The following GPATCH2L variants were observed in gnomAD, a reference collection of about 807,000 sequenced individuals.
GPATCH2L encodes the protein G patch domain-containing protein 2-like.
GPATCH2L carries 31 observed loss-of-function variants against 57.4 expected under a neutral mutation model. That is an observed-to-expected ratio of 0.54 (90% confidence interval 0.41 to 0.73). The LOEUF (loss-of-function observed/expected upper bound fraction) is 0.73. GPATCH2L is among the 30% of genes least tolerant of loss of function. The pLI, the probability that GPATCH2L is intolerant of heterozygous loss-of-function variation, is 0.00. For synonymous variants in GPATCH2L, 199 were observed against 210.7 expected (o/e 0.94, Z 0.48); for missense variants, 481 against 599.9 (o/e 0.80, Z 2.07).
intron 2 of GPATCH2L, among the ~76,000 whole-genome samples, chr14:76,160,692 C>A (rs112611625): frequency 4.6e-5 from 7 of 152,080 alleles, no homozygotes; most frequent in African/African-American, 1.7e-4. Context: ...AAAGAAAAAT[C>A]TTAAAAGGGG....
downstream of GPATCH2L, among the ~76,000 whole-genome samples, chr14:76,217,556 A>G (rs1321862980): frequency 2.6e-5 from 4 of 151,798 alleles, no homozygotes; most frequent in Non-Finnish European, 5.9e-5. Context: ...AAATACTACT[A>G]AAAATTTAGA....
chr14:76,166,796 G>C (rs2038862080), intron 3 of GPATCH2L, 69 bp downstream of exon 3: 1 of 1,057,458 alleles, frequency 9.5e-7, no homozygotes, highest in Non-Finnish European at 1.5e-6. Context: ...TCATAGGAGT[G>C]ACTCATGGAG....
chr14:76,186,170 A>G (rs1347047234), intron 8 of GPATCH2L, among the ~76,000 whole-genome samples: 2 of 152,100 alleles, frequency 1.3e-5, no homozygotes, highest in African/African-American at 2.4e-5. Context: ...TCATTTGCTA[A>G]TTAGATGTAA....
chr14:76,193,115 C>T (rs929155233), intron 8 of GPATCH2L, among the ~76,000 whole-genome samples: 8 of 151,974 alleles, frequency 5.3e-5, no homozygotes, highest in African/African-American at 9.7e-5. Flanking sequence ...AACCTGTGTG[C>T]GTAATAATAG....
At position 76,154,644 on chromosome 14, in the gene GPATCH2L, C is replaced by T. The variant is rs768786255; in HGVS notation, c.281C>T (p.Ala94Val). ...AGTGACTCTGATGACACAATGGTAG[C>T]CAAACGACACCCAGCTCTCAATGCC... ...NFSDSDDTMV[A>V]KRHPALNAIV... Residue 94 changes from alanine to valine, a missense_variant, in exon 2 of 10, where the codon GCC (alanine) becomes GTC (valine). By Grantham distance (64) the Ala-to-Val change is moderately conservative. Around this residue, in one of 3 missense-constraint regions of GPATCH2L, gnomAD observed 208 missense variants for 272.4 expected, o/e 0.76. Transcript: ENST00000261530. This position sits in a 1 kb window ranked among gnomAD's most constrained non-coding sequence, Gnocchi z 4.4. The T allele has an allele frequency of 6.2e-7, 1 of 1,614,200 alleles. No homozygotes were observed. Among genetic ancestry groups the T allele is most frequent in the African/African-American group, 1.3e-5 (1 of 75,046 alleles).
At position 76,201,738 on chromosome 14, in the gene GPATCH2L, A is replaced by G. The variant is rs539648179; in HGVS notation, c.1336A>G (p.Lys446Glu). The G allele has an allele frequency of 4.3e-6, 7 of 1,613,748 alleles. No individual in the cohort carries two copies. The African/African-American group carries it at 5.3e-5, about 12-fold the overall frequency. Residue 446 changes from lysine to glutamate, a missense_variant, in exon 10 of 10, where the codon AAA becomes GAA. Physicochemically the swap from Lys to Glu is moderately conservative, Grantham distance 56 (BLOSUM62 1). Around this residue, in one of 3 missense-constraint regions of GPATCH2L, gnomAD observed 248 missense variants for 270.5 expected, o/e 0.92. Coordinates refer to ENST00000261530, the MANE Select transcript of GPATCH2L (RefSeq NM_017926.4). ...AACCACACCAGCATCACAAGCCCCC[A>G]AATCACCCAGCTCTGAGTGGTTGGT... Reference protein sequence around the residue: ...EPTTPASQAPKSPSSEWLVRT... With the variant: ...EPTTPASQAPESPSSEWLVRT...
At chr14:76,187,985 C>T (rs1024330954) in intron 8 of GPATCH2L, among the ~76,000 whole-genome samples, 10 of 152,190 alleles carry the variant, frequency 6.6e-5, no homozygotes, top group African/African-American at 2.2e-4. Flanking sequence ...CTTTCTGTGC[C>T]TGGTCTATCT....
At chr14:76,192,665 G>C (rs2040017405) in intron 8 of GPATCH2L, among the ~76,000 whole-genome samples, 3 of 152,110 alleles carry the variant, frequency 2.0e-5, no homozygotes, top group Admixed American at 6.5e-5. Context: ...TATCCCTAGT[G>C]TTTAGTACAG....
chr14:76,188,989 C>A (rs1243991737), intron 8 of GPATCH2L, among the ~76,000 whole-genome samples: 2 of 151,900 alleles, frequency 1.3e-5, no homozygotes, highest in African/African-American at 4.8e-5. Context: ...GTTCTTGGCA[C>A]CTTTGCTGAA....
In GPATCH2L at chr14:76,194,567, G is replaced by T. The variant is rs886729756; in HGVS notation, c.1194-1311G>T. On this transcript the variant is annotated intron_variant, in intron 8 of 9. Coordinates refer to ENST00000261530, the MANE Select transcript of GPATCH2L (RefSeq NM_017926.4). ...TTTCAACTGTGCAAGTTATTTTGGG[G>T]ACTTTCTGAGTCAAAAAATTTGTCC... 3.3e-5 allele frequency among the ~76,000 whole-genome samples: 5 copies of T among 151,698 alleles called. 1 individual carries two copies. The East Asian group carries it at 5.8e-4, about 18-fold the overall frequency.
chr14:76,160,473 G>A (rs2038530734), intron 2 of GPATCH2L, among the ~76,000 whole-genome samples: 1 of 152,192 alleles, frequency 6.6e-6, no homozygotes, highest in Admixed American at 6.5e-5. Flanking sequence ...AAGAGACCAA[G>A]TCTGTGAGTA....
In GPATCH2L at chr14:76,225,303, A is replaced by G. The variant is rs552212934; in HGVS notation, c.66-4505A>G. 5.3e-5 allele frequency among the ~76,000 whole-genome samples: 8 copies of G among 152,330 alleles called. No individual in the cohort carries two copies. In the East Asian group the frequency reaches 1.5e-3, roughly 29 times the overall value. On this transcript the variant is annotated intron_variant and NMD_transcript_variant, in intron 1 of 3. Transcript: ENST00000556372. The stretch of plus-strand genomic sequence containing the variant: ...GAAACAGAACAGAGTCTAGAAGCTG[A>G]TCCACACACATAGTCACTTAACTGA...
chr14:76,157,886 A>T (rs1594904238), intron 2 of GPATCH2L, among the ~76,000 whole-genome samples: 1 of 152,342 alleles, frequency 6.6e-6, no homozygotes, highest in Non-Finnish European at 1.5e-5. Flanking sequence ...TGGTTATAGT[A>T]TAGTAGTTTT....
At chr14:76,155,378 G>GGTGT (rs1047347658) in intron 2 of GPATCH2L, among the ~76,000 whole-genome samples, 1 of 152,024 alleles carries the variant, frequency 6.6e-6, no homozygotes, top group Non-Finnish European at 1.5e-5. Context: ...AGCAGAGGCT[G>GGTGT]GTGTGTGTGT....
downstream of GPATCH2L, among the ~76,000 whole-genome samples, chr14:76,218,227 T>C (rs2040497721): frequency 6.6e-6 from 1 of 151,976 alleles, no homozygotes. Flanking sequence ...AACAATTAAG[T>C]GAAAGAAATT....
intron 8 of GPATCH2L, among the ~76,000 whole-genome samples, chr14:76,184,499 G>C (rs562684659): frequency 5.3e-5 from 8 of 151,796 alleles, no homozygotes; most frequent in Admixed American, 1.3e-4. Context: ...ATAGGTGGGG[G>C]CGGGGGGCAT....
intron 8 of GPATCH2L, among the ~76,000 whole-genome samples, chr14:76,184,250 A>T (rs1250576319): frequency 6.6e-6 from 1 of 152,108 alleles, no homozygotes; most frequent in East Asian, 1.9e-4. Flanking sequence ...CTTGGGAAGC[A>T]TGTGAGGAAG....
intron 5 of GPATCH2L, 112 bp downstream of exon 5, chr14:76,173,737 C>A: frequency 2.7e-6 from 2 of 729,540 alleles, no homozygotes; most frequent in Non-Finnish European, 2.5e-6. Context: ...GTTAATGGAG[C>A]CAACTGGAAT....
rs1566817444 is a variant in GPATCH2L, at chr14:76,201,754, AGTGGTTG to A, written c.1356_1362del (p.Trp452Ter). 2.5e-6 allele frequency: 4 copies of A among 1,613,882 alleles called. No individual in the cohort carries two copies. Among genetic ancestry groups the A allele is most frequent in the Non-Finnish European group, 3.4e-6 (4 of 1,179,806 alleles). ...CAAGCCCCCAAATCACCCAGCTCTG[AGTGGTTG>A]GTGAGGACCTCTGCAGCAGAGAAAG... On this transcript the variant is annotated frameshift_variant, in exon 10 of 10. Coordinates refer to ENST00000261530, the MANE Select transcript of GPATCH2L (RefSeq NM_017926.4). LOFTEE classifies it high-confidence loss of function.
Sources: gnomAD v4.1 joint callset for allele counts (sites outside exome capture counted in the v4.1 genomes callset) on GRCh38, gnomAD v4.1.1 for gene constraint, gnomAD v4.1.1 regional missense constraint, Gnocchi (gnomAD v3.1) non-coding constraint, MANE v1.5 for transcripts, NCBI Gene and HGNC (gene_info 2026-07-23, HGNC 2026-07-21) for gene names.